Variants in ARHGAP20 observed in about 807,000 individuals in gnomAD.
ARHGAP20 encodes the protein rho GTPase-activating protein 20.
In ARHGAP20, 34 loss-of-function variants were observed where a neutral mutation model predicts 73.7. That is an observed-to-expected ratio of 0.46 (90% confidence interval 0.35 to 0.61). The LOEUF (loss-of-function observed/expected upper bound fraction) is 0.61, where lower values mean the gene tolerates loss of function less well. Among genes scored for constraint, ARHGAP20 ranks in the 20% least tolerant of loss-of-function variants. The pLI, the probability that ARHGAP20 is intolerant of heterozygous loss-of-function variation, is 0.00. For missense variants in ARHGAP20, 1,314 were observed against 1,420.9 expected, an observed-to-expected ratio of 0.92 and a Z score of 1.21; for synonymous variants, 523 against 518.2, an observed-to-expected ratio of 1.01 and a Z score of -0.13.
intron 2 of ARHGAP20, among the ~76,000 whole-genome samples, chr11:110,643,004 T>G (rs1281199938): frequency 6.6e-6 from 1 of 152,094 alleles, no homozygotes; most frequent in Non-Finnish European, 1.5e-5. Flanking sequence ...TGGTTCAATC[T>G]TGAGAGGCTG....
At chr11:110,629,712 T>C (rs1470920384) in intron 3 of ARHGAP20, among the ~76,000 whole-genome samples, 2 of 152,224 alleles carry the variant, frequency 1.3e-5, no homozygotes, top group Non-Finnish European at 2.9e-5. Flanking sequence ...CTTTTACTCA[T>C]ACACGTGGAG....
intron 9 of ARHGAP20, among the ~76,000 whole-genome samples, chr11:110,604,769 T>C (rs986883587): frequency 6.6e-6 from 1 of 152,246 alleles, no homozygotes; most frequent in Admixed American, 6.5e-5. Flanking sequence ...GTGTATCTGA[T>C]GTTGGTAAGA....
intron 1 of ARHGAP20, among the ~76,000 whole-genome samples, chr11:110,702,793 AAG>A (rs1950480307): frequency 6.6e-6 from 1 of 152,186 alleles, no homozygotes; most frequent in South Asian, 2.1e-4. Context: ...AATTGCTTCA[AAG>A]AGAATAAAAT....
intron 2 of ARHGAP20, among the ~76,000 whole-genome samples, chr11:110,689,038 G>A (rs1359989033): frequency 6.7e-6 from 1 of 148,166 alleles, no homozygotes; most frequent in Non-Finnish European, 1.5e-5. Flanking sequence ...TCGCTCTGTG[G>A]CCCAGGCTGG....
intron 2 of ARHGAP20, among the ~76,000 whole-genome samples, chr11:110,643,496 T>C (rs904018963): frequency 1.3e-5 from 2 of 152,146 alleles, no homozygotes; most frequent in Admixed American, 6.6e-5. Context: ...ATACTTTTTT[T>C]TGATTTCTGC....
At chr11:110,675,572 T>A (rs910299089) in intron 2 of ARHGAP20, among the ~76,000 whole-genome samples, 4 of 152,060 alleles carry the variant, frequency 2.6e-5, no homozygotes, top group African/African-American at 9.7e-5. Flanking sequence ...TAGATTCCCA[T>A]AAGGTGCACA....
At chr11:110,689,591 T>C (rs1950203085) in intron 2 of ARHGAP20, among the ~76,000 whole-genome samples, 1 of 152,198 alleles carries the variant, frequency 6.6e-6, no homozygotes, top group Admixed American at 6.5e-5. Context: ...AAAATGTCTA[T>C]TGAAATGTTA....
At chr11:110,647,121 A>G (rs2134999607) in intron 2 of ARHGAP20, among the ~76,000 whole-genome samples, 1 of 152,036 alleles carries the variant, frequency 6.6e-6, no homozygotes, top group Non-Finnish European at 1.5e-5. Flanking sequence ...GAAATATTTC[A>G]TAGGTGGTAC....
Position 110,590,701 on chromosome 11 carries a change from C to T in ARHGAP20, c.1252G>A (p.Val418Ile), listed in dbSNP as rs1203406166. ...RELKEKLNSG[V>I]EVHLDCESIF... Reference sequence around the variant, plus strand: ...GATTCACAGTCTAGGTGTACTTCGACTCCAGAATTCAATTTCTCTTTTAGT... The same window carrying T: ...GATTCACAGTCTAGGTGTACTTCGATTCCAGAATTCAATTTCTCTTTTAGT... The change falls in exon 11 of 15, where the codon GTC (valine) becomes ATC (isoleucine). Residue 418 changes from valine to isoleucine, a missense_variant. Physicochemically the swap from Val to Ile is conservative, Grantham distance 29. This residue lies in a region of ARHGAP20 where 230 missense variants were observed against 317.6 expected (regional missense o/e 0.72). Coordinates refer to ENST00000683387, the MANE Select transcript of ARHGAP20 (RefSeq NM_001384657.1). 6.2e-7 allele frequency: 1 copy of T among 1,613,970 alleles called. No homozygotes were observed. Among genetic ancestry groups the T allele is most frequent in the Non-Finnish European group, 8.5e-7 (1 of 1,179,992 alleles).
intron 12 of ARHGAP20, 34 bp from the exon 13 acceptor site, chr11:110,583,771 A>ATTTCATTCAAAAACTTG: frequency 2.7e-6 from 4 of 1,476,062 alleles, no homozygotes; most frequent in Non-Finnish European, 3.6e-6. Context: ...TAAGCAAGAC[A>ATTTCATTCAAAAACTTG]TTTCATTCAA....
intron 9 of ARHGAP20, among the ~76,000 whole-genome samples, chr11:110,594,366 T>A (rs1947901335): frequency 6.6e-6 from 1 of 152,158 alleles, no homozygotes; most frequent in Non-Finnish European, 1.5e-5. Context: ...AACCTTAAAA[T>A]GTAAAGGATA....
intron 6 of ARHGAP20, 116 bp from the exon 7 acceptor site, chr11:110,611,502 A>G: frequency 1.9e-6 from 1 of 534,666 alleles, no homozygotes; most frequent in Non-Finnish European, 3.1e-6. Context: ...ATGTGGACAA[A>G]GTCAAGCATA....
intron 1 of ARHGAP20, among the ~76,000 whole-genome samples, chr11:110,696,852 T>C (rs1238151693): frequency 6.6e-6 from 1 of 151,718 alleles, no homozygotes; most frequent in African/African-American, 2.4e-5. Flanking sequence ...GTTAGTTCAT[T>C]TAGGATAATG....
At chr11:110,696,568 T>A (rs1022581682) in intron 1 of ARHGAP20, among the ~76,000 whole-genome samples, 14 of 151,588 alleles carry the variant, frequency 9.2e-5, no homozygotes, top group Non-Finnish European at 1.8e-4. Context: ...TTAACATTTT[T>A]AAAAAATTCT....
At chr11:110,655,421 T>C (rs1335568846) in intron 2 of ARHGAP20, among the ~76,000 whole-genome samples, 1 of 152,172 alleles carries the variant, frequency 6.6e-6, no homozygotes, top group Non-Finnish European at 1.5e-5. Context: ...GAGACCTATA[T>C]GTGAATTACA....
At chr11:110,597,091 G>C (rs183865169) in intron 9 of ARHGAP20, among the ~76,000 whole-genome samples, 2 of 146,158 alleles carry the variant, frequency 1.4e-5, no homozygotes, top group African/African-American at 5.0e-5. Flanking sequence ...ATTGAACAAT[G>C]AGAACACATG....
Position 110,712,358 on chromosome 11 carries a change from C to CTCCG in ARHGAP20, c.-131_-128dup. 2.9e-6 allele frequency: 2 copies of CTCCG among 681,820 alleles called. No individual in the cohort carries two copies. Among genetic ancestry groups the CTCCG allele is most frequent in the Non-Finnish European group, 4.2e-6 (2 of 481,460 alleles). 42.2% of individuals were successfully genotyped at this position (681,820 alleles called of 1,614,324 possible). On this transcript the variant is annotated 5_prime_UTR_variant, in exon 1 of 15. The change abolishes the stop of an existing upstream ORF in the 5' untranslated region. Transcript: ENST00000683387. ...TGCCGTGCTCAGGCAGGGAGCCGAG[C>CTCCG]TCCGGGTGCTCGCCGCGCGCCTCCC...
At chr11:110,690,918 T>C (rs1950230499) in intron 1 of ARHGAP20, 1 of 1,257,102 alleles carries the variant, frequency 8.0e-7, no homozygotes, top group Non-Finnish European at 1.1e-6. Flanking sequence ...ATCATAACCA[T>C]TATTACTGGT....
rs529098789 is a variant in ARHGAP20, at chr11:110,672,374, G to T, written c.188+18173C>A. 7.9e-5 allele frequency among the ~76,000 whole-genome samples: 12 copies of T among 152,104 alleles called. 1 individual carries two copies. The South Asian group carries it at 1.2e-3, about 16-fold the overall frequency. ...ACTTCACAAAGAAAAACATACAAAT[G>T]GGCAGTAATTTTATAAAATGATGCA... On this transcript the variant is annotated intron_variant, in intron 2 of 14. Coordinates refer to ENST00000683387, the MANE Select transcript of ARHGAP20 (RefSeq NM_001384657.1).
Sources: allele counts gnomAD v4.1 joint callset (sites outside exome capture counted in the v4.1 genomes callset), GRCh38; gene constraint gnomAD v4.1.1; regional missense constraint gnomAD v4.1.1; transcripts MANE v1.5; gene names NCBI Gene and HGNC (gene_info 2026-07-23, HGNC 2026-07-21).